The following FILIP1 variants were observed in gnomAD, a reference collection of about 807,000 sequenced individuals.
The protein encoded by FILIP1 is filamin-A-interacting protein 1.
Under a neutral mutation model 102.1 loss-of-function variants are expected in FILIP1, and 61 were observed. The observed-to-expected ratio is 0.60, with a 90% CI of 0.49 to 0.74. FILIP1 has a LOEUF of 0.74. FILIP1 is among the 30% of genes least tolerant of loss of function. The probability of loss-of-function intolerance (pLI) is 0.00; values close to 1 mark genes in which losing one functional copy is unlikely to be tolerated. For missense variants in FILIP1, 1,314 were observed against 1,441.2 expected, an observed-to-expected ratio of 0.91 and a Z score of 1.43; for synonymous variants, 491 against 526.9, an observed-to-expected ratio of 0.93 and a Z score of 0.93.
intron 2 of FILIP1, among the ~76,000 whole-genome samples, chr6:75,412,934 C>A (rs551101237): frequency 1.3e-5 from 2 of 152,176 alleles, no homozygotes; most frequent in South Asian, 4.1e-4. Context: ...AAGAATATAT[C>A]TATTGTGTAA....
chr6:75,397,561 C>T (rs1220334803), intron 2 of FILIP1, among the ~76,000 whole-genome samples: 1 of 80,582 alleles, frequency 1.2e-5, no homozygotes, highest in African/African-American at 7.7e-5. Flanking sequence ...CACACACACA[C>T]ACACACACAC....
chr6:75,421,912 C>T (rs926355178), intron 1 of FILIP1, among the ~76,000 whole-genome samples: 1 of 152,136 alleles, frequency 6.6e-6, no homozygotes, highest in Admixed American at 6.6e-5. Flanking sequence ...ATGAGTATTT[C>T]CTAAACACAT....
intron 2 of FILIP1, among the ~76,000 whole-genome samples, chr6:75,374,372 A>C (rs1775678993): frequency 6.6e-6 from 1 of 152,002 alleles, no homozygotes; most frequent in Non-Finnish European, 1.5e-5. Flanking sequence ...ACCAGGTGAG[A>C]AGCTGAATTC....
At chr6:75,483,989 T>C (rs1334017525) in intron 1 of FILIP1, among the ~76,000 whole-genome samples, 1 of 152,130 alleles carries the variant, frequency 6.6e-6, no homozygotes, top group Non-Finnish European at 1.5e-5. Flanking sequence ...AAAGCATTCA[T>C]TAAATATTAG....
At chr6:75,319,376 C>T in intron 4 of FILIP1, 2 of 627,366 alleles carry the variant, frequency 3.2e-6, no homozygotes, top group Non-Finnish European at 3.1e-6. Context: ...AAGGAGAGCT[C>T]TTGGGTGCCC....
intron 1 of FILIP1, among the ~76,000 whole-genome samples, chr6:75,441,686 G>T (rs1304395492): frequency 1.3e-5 from 2 of 148,700 alleles, no homozygotes; most frequent in Non-Finnish European, 3.0e-5. Context: ...CCTCCCTGAC[G>T]GGGCGGCTGG....
chr6:75,441,163 G>C (rs1186411487), intron 1 of FILIP1, among the ~76,000 whole-genome samples: 1 of 151,626 alleles, frequency 6.6e-6, no homozygotes, highest in Admixed American at 6.6e-5. Flanking sequence ...GGGTACTTGA[G>C]ATTAGGGAGT....
intron 1 of FILIP1, among the ~76,000 whole-genome samples, chr6:75,456,679 C>T (rs1778839883): frequency 6.6e-6 from 1 of 151,856 alleles, no homozygotes; most frequent in Non-Finnish European, 1.5e-5. Flanking sequence ...CCTGCCTCAG[C>T]ATCCTGAGTA....
chr6:75,489,819 T>A (rs1446695671), intron 1 of FILIP1, among the ~76,000 whole-genome samples: 1 of 152,094 alleles, frequency 6.6e-6, no homozygotes, highest in African/African-American at 2.4e-5. Context: ...TATTGCTATA[T>A]ATATTAAAAA....
intron 1 of FILIP1, among the ~76,000 whole-genome samples, chr6:75,441,613 AC>A (rs1231331301): frequency 1.0e-4 from 13 of 126,908 alleles, no homozygotes; most frequent in African/African-American, 3.6e-4. Flanking sequence ...CAGGGGGCTG[AC>A]CCCCCCGACC....
chr6:75,362,956 T>C (rs765264064), intron 2 of FILIP1, 39 bp from the exon 3 acceptor site: 104 of 1,596,284 alleles, frequency 6.5e-5, no homozygotes, highest in Non-Finnish European at 8.2e-5. Context: ...CGACTGACAA[T>C]GTAAATCGCA....
At chr6:75,302,591 A>G (rs1772867455) in intron 6 of FILIP1, among the ~76,000 whole-genome samples, 1 of 152,180 alleles carries the variant, frequency 6.6e-6, no homozygotes, top group Admixed American at 6.5e-5. Flanking sequence ...AGGGCAATAC[A>G]AGGAGAAGGA....
chr6:75,306,440 G>T (rs1772988641), downstream of FILIP1, among the ~76,000 whole-genome samples: 2 of 152,212 alleles, frequency 1.3e-5, no homozygotes, highest in African/African-American at 2.4e-5. Context: ...AAGGAATGCG[G>T]TGTTTGGTTC....
chr6:75,371,267 A>G (rs6928694), intron 2 of FILIP1, among the ~76,000 whole-genome samples: 3,120 of 152,286 alleles, frequency 0.02, 107 homozygotes, highest in African/African-American at 0.071. Flanking sequence ...TATATGGTCA[A>G]TAGTAGCCTA....
chr6:75,465,675 T>C, intron 1 of FILIP1: 1 of 240,572 alleles, frequency 4.2e-6, no homozygotes, highest in African/African-American at 2.3e-5. Flanking sequence ...TTCAAAGTAC[T>C]GGAAAGGAAG....
intron 1 of FILIP1, among the ~76,000 whole-genome samples, chr6:75,478,457 G>C (rs1189613373): frequency 6.6e-6 from 1 of 152,166 alleles, no homozygotes; most frequent in Non-Finnish European, 1.5e-5. Context: ...CTCTGTAACT[G>C]GAGCTTAGGT....
intron 1 of FILIP1, chr6:75,465,031 C>T (rs1779123251): frequency 6.4e-6 from 1 of 155,272 alleles, no homozygotes; most frequent in South Asian, 2.0e-4. Context: ...TCCAGCCAGC[C>T]TTCTTGCTTC....
chr6:75,353,830 G>T, intron 3 of FILIP1, 113 bp from the exon 4 acceptor site: 1 of 1,015,212 alleles, frequency 9.9e-7, no homozygotes, highest in Non-Finnish European at 1.4e-6. Context: ...AGAACAGTGA[G>T]TCTGGTATTC....
At chr6:75,354,834 T>C (rs1774936186) in intron 3 of FILIP1, among the ~76,000 whole-genome samples, 2 of 152,322 alleles carry the variant, frequency 1.3e-5, no homozygotes, top group African/African-American at 4.8e-5. Context: ...ACTTCTCCCC[T>C]GGAAAGTAAT....
Sources: allele counts gnomAD v4.1 joint callset (sites outside exome capture counted in the v4.1 genomes callset), GRCh38; gene constraint gnomAD v4.1.1; transcripts MANE v1.5; gene names NCBI Gene and HGNC (gene_info 2026-07-23, HGNC 2026-07-21).